The following ZSWIM4 variants were observed in gnomAD, a reference collection of about 807,000 sequenced individuals.
ZSWIM4 encodes zinc finger SWIM-type containing 4.
ZSWIM4 carries 62 observed loss-of-function variants against 102.5 expected under a neutral mutation model. That is an observed-to-expected ratio of 0.60 (90% CI 0.49 to 0.75). The LOEUF (loss-of-function observed/expected upper bound fraction) is 0.75, where lower values mean the gene tolerates loss of function less well. Ranked by LOEUF, ZSWIM4 falls within the 30% of genes least tolerant of loss-of-function variation. The pLI, the probability that ZSWIM4 is intolerant of heterozygous loss-of-function variation, is 0.00. For missense variants in ZSWIM4, 1,280 were observed against 1,529.6 expected, an observed-to-expected ratio of 0.84 and a Z score of 2.72; for synonymous variants, 652 against 674.5, an observed-to-expected ratio of 0.97 and a Z score of 0.52.
chr19:13,798,103 CAT>C (rs1433100892), intron 1 of ZSWIM4, among the ~76,000 whole-genome samples: 2 of 152,350 alleles, frequency 1.3e-5, no homozygotes, highest in East Asian at 3.9e-4. Flanking sequence ...AAGTGTTCAG[CAT>C]AGTGTGTGCA....
Position 13,830,512 on chromosome 19 carries a change from A to T in ZSWIM4, c.2783A>T (p.Tyr928Phe). The change falls in exon 14 of 14, where the codon TAT becomes TTT. Residue 928 changes from tyrosine (Y) to phenylalanine (F), a missense_variant. By Grantham distance (22) the Tyr-to-Phe change is conservative (BLOSUM62 3). Coordinates refer to ENST00000590508, the MANE Select transcript of ZSWIM4 (RefSeq NM_001367834.3). ...GHAHLFTVARYMEHRGLPLRA... is the reference protein window; with the variant it reads ...GHAHLFTVARFMEHRGLPLRA... ...GCCCACCTCTTCACTGTGGCCCGCTATATGGAGCACCGCGGGCTGCCGCTC... is the reference window on the plus strand; with the variant it reads ...GCCCACCTCTTCACTGTGGCCCGCTTTATGGAGCACCGCGGGCTGCCGCTC... 6.3e-7 allele frequency: 1 copy of T among 1,599,894 alleles called. No homozygotes were observed. The highest frequency in any genetic ancestry group is 8.5e-7 in the Non-Finnish European group (1 of 1,179,422).
At position 13,810,909 on chromosome 19, in the gene ZSWIM4, CTT is replaced by C. The variant is rs58776366; in HGVS notation, c.1012+1710_1012+1711del. 2.2e-4 allele frequency among the ~76,000 whole-genome samples: 21 copies of C among 94,124 alleles called. No homozygotes were observed. In the East Asian group the frequency reaches 2.8e-3, roughly 12 times the overall value. 61.7% of individuals were successfully genotyped at this position (94,124 alleles called of 152,430 possible). A position where few individuals can be genotyped will look rare whatever the true frequency, so the allele number is the denominator to read the frequency against. On this transcript the variant is annotated intron_variant, in intron 5 of 13. Transcript: ENST00000590508. ...ACAGGCGTGAGCCACCACGCCCAGC[CTT>C]TTTTTTTTTTTTTTTTTTTTGAGAT...
intron 2 of ZSWIM4, among the ~76,000 whole-genome samples, chr19:13,802,040 A>G (rs548371967): frequency 1.4e-5 from 2 of 146,760 alleles, no homozygotes; most frequent in East Asian, 2.0e-4. Flanking sequence ...CAGTGGCACA[A>G]TCTCGGCTTA....
chr19:13,819,654 ATTATTTAT>A lies in ZSWIM4; in HGVS notation c.2060+189_2060+196del, dbSNP rs539022265. On this transcript the variant is annotated intron_variant, in intron 10 of 13. Coordinates refer to ENST00000590508, the MANE Select transcript of ZSWIM4 (RefSeq NM_001367834.3). The stretch of plus-strand genomic sequence containing the variant: ...ATGATGCCATGTGCTTTTCATTATT[ATTATTTAT>A]TTATTTATTTATTTATTTATTTATT... Among the ~76,000 whole-genome samples, 1,419 of 150,332 alleles carry A rather than the reference ATTATTTAT, an allele frequency of 9.4e-3. 19 individuals are homozygous for A. The highest frequency in any genetic ancestry group is 0.032 in the African/African-American group (1,295 of 40,628).
intron 10 of ZSWIM4, among the ~76,000 whole-genome samples, 162 bp downstream of exon 10, chr19:13,819,654 A>T (rs924705057): frequency 6.7e-6 from 1 of 150,250 alleles, no homozygotes; most frequent in African/African-American, 2.5e-5. Flanking sequence ...TTTCATTATT[A>T]TTATTTATTT....
chr19:13,816,101 C>T (rs896388451), intron 7 of ZSWIM4, among the ~76,000 whole-genome samples: 3 of 151,354 alleles, frequency 2.0e-5, no homozygotes, highest in Admixed American at 6.6e-5. Context: ...CCAAAAACCA[C>T]ATTGTGTACT....
intron 9 of ZSWIM4, among the ~76,000 whole-genome samples, chr19:13,819,112 C>G (rs903358159): frequency 3.9e-5 from 6 of 152,150 alleles, no homozygotes; most frequent in African/African-American, 1.4e-4. Context: ...GATCCGCCAG[C>G]CTCGGCCTCC....
intron 10 of ZSWIM4, among the ~76,000 whole-genome samples, chr19:13,821,903 A>G (rs1048522451): frequency 2.4e-4 from 37 of 151,880 alleles, no homozygotes; most frequent in African/African-American, 8.5e-4. Flanking sequence ...CGCCTGGTTA[A>G]TTTTTTGTAT....
At chr19:13,805,458 T>C (rs1372999193) in intron 3 of ZSWIM4, among the ~76,000 whole-genome samples, 1 of 151,720 alleles carries the variant, frequency 6.6e-6, no homozygotes, top group Non-Finnish European at 1.5e-5. Context: ...AGATGGAGCA[T>C]CCTGGGTATG....
rs1287227100 is a variant in ZSWIM4 at position 13,830,712 on chromosome 19, A to G, written c.2983A>G (p.Met995Val). ...LIIRSIHCAP[M>V]LSDILRRWTL... The stretch of plus-strand genomic sequence containing the variant: ...CATTCGCAGCATCCACTGTGCCCCA[A>G]TGCTGTCCGATATTCTGCGCCGCTG... The change falls in exon 14 of 14, where the codon ATG (methionine) becomes GTG (valine). Residue 995 changes from methionine to valine, a missense_variant. By Grantham distance (21) the Met-to-Val change is conservative (BLOSUM62 1). Transcript: ENST00000590508. 1.9e-6 allele frequency: 3 copies of G among 1,608,040 alleles called. No homozygotes were observed. The highest frequency in any genetic ancestry group is 2.2e-5 in the East Asian group (1 of 44,796).
At chr19:13,828,480 C>A (rs1975670918) in intron 12 of ZSWIM4, among the ~76,000 whole-genome samples, 165 bp from the exon 13 acceptor site, 1 of 152,122 alleles carries the variant, frequency 6.6e-6, no homozygotes, top group Non-Finnish European at 1.5e-5. Context: ...TATTTTATCT[C>A]CATTTTCTAG....
chr19:13,812,924 CA>C, intron 5 of ZSWIM4, 72 bp from the exon 6 acceptor site: 1 of 1,485,826 alleles, frequency 6.7e-7, no homozygotes, highest in Non-Finnish European at 9.1e-7. Flanking sequence ...AGGTGGCACA[CA>C]GTGGGCACTG....
rs1975017952 is a variant in ZSWIM4, at chr19:13,809,555, T to C, written c.1012+335T>C. Among the ~76,000 whole-genome samples the C allele has an allele frequency of 6.6e-6, 1 of 152,220 alleles. No homozygotes were observed. Among genetic ancestry groups the C allele is most frequent in the African/African-American group, 2.4e-5 (1 of 41,474 alleles). On this transcript the variant is annotated intron_variant, in intron 5 of 13. Coordinates refer to ENST00000590508, the MANE Select transcript of ZSWIM4 (RefSeq NM_001367834.3). The surrounding 1 kb of genome is among the most constrained non-coding windows in gnomAD (Gnocchi z 4.2). The stretch of plus-strand genomic sequence containing the variant: ...TGGCGTGCAGTGGCACAATCTCGGC[T>C]GACTGCAACCTCTGCCTCCCGGACT...
chr19:13,822,029 C>T (rs145619222), intron 10 of ZSWIM4, among the ~76,000 whole-genome samples: 1 of 152,136 alleles, frequency 6.6e-6, no homozygotes, highest in Non-Finnish European at 1.5e-5. Context: ...AGCCACCACA[C>T]CCGGCCTAGT....
In ZSWIM4 at chr19:13,817,809, AGGTGGCACTGCTGGGGCTGGG is replaced by A. The variant is rs768548393; in HGVS notation, c.1759_1779del (p.Val587_Gly593del). 1 of 1,585,404 alleles carries A rather than the reference AGGTGGCACTGCTGGGGCTGGG, an allele frequency of 6.3e-7. No individual in the cohort carries two copies. The highest frequency in any genetic ancestry group is 8.6e-7 in the Non-Finnish European group (1 of 1,167,096). The stretch of plus-strand genomic sequence containing the variant: ...GAGTCCTACTTGGTGCTGGCGCTGG[AGGTGGCACTGCTGGGGCTGGG>A]GCAGCAGCGGGCCCTGCCGGAGGGG... On this transcript the variant is annotated inframe_deletion, in exon 9 of 14. Coordinates refer to ENST00000590508, the MANE Select transcript of ZSWIM4 (RefSeq NM_001367834.3).
chr19:13,807,266 C>T (rs1273253716), intron 3 of ZSWIM4, among the ~76,000 whole-genome samples: 3 of 150,718 alleles, frequency 2.0e-5, no homozygotes, highest in Non-Finnish European at 4.4e-5. Flanking sequence ...GATGATGGAC[C>T]CATGATGGGG....
Position 13,809,512 on chromosome 19 carries a change from TCA to T in ZSWIM4, c.1012+294_1012+295del, listed in dbSNP as rs1478616685. On this transcript the variant is annotated intron_variant, in intron 5 of 13. Transcript: ENST00000590508. This position sits in a 1 kb window ranked among gnomAD's most constrained non-coding sequence, Gnocchi z 4.2. Reference sequence around the variant, plus strand: ...GTTTTCTTTGTTTTGAGACAGGGTATCACTCTGTTGCCCAGGCTGGCGTGCAG... The same window carrying T: ...GTTTTCTTTGTTTTGAGACAGGGTATCTCTGTTGCCCAGGCTGGCGTGCAG... Among the ~76,000 whole-genome samples, 4 of 152,214 alleles carry T rather than the reference TCA, an allele frequency of 2.6e-5. No individual in the cohort carries two copies. The highest frequency in any genetic ancestry group is 1.3e-4 in the Admixed American group (2 of 15,270).
rs760797707 is a variant in ZSWIM4 at position 13,828,679 on chromosome 19, G to A, written c.2414G>A (p.Arg805Gln). ...ATGACTCTGAACGTAATGACCTGGC[G>A]GCGGAGGGAGATGGTGCGCTGGCTG... is the stretch of plus-strand genomic sequence containing the variant. ...MRMTLNVMTWRRREMVRWLVS... is the reference protein window; with the variant it reads ...MRMTLNVMTWQRREMVRWLVS... The change falls in exon 13 of 14, where the codon CGG (arginine) becomes CAG (glutamine). Residue 805 changes from arginine to glutamine, a missense_variant. Arg to Gln is a conservative substitution (Grantham distance 43). Coordinates refer to ENST00000590508, the MANE Select transcript of ZSWIM4 (RefSeq NM_001367834.3). 6.2e-6 allele frequency: 10 copies of A among 1,613,988 alleles called. No homozygotes were observed. The East Asian group carries it at 6.7e-5, about 11-fold the overall frequency.
chr19:13,812,031 C>T (rs994426487), intron 5 of ZSWIM4, among the ~76,000 whole-genome samples: 2 of 151,850 alleles, frequency 1.3e-5, no homozygotes, highest in Non-Finnish European at 2.9e-5. Context: ...GCTGAGATTG[C>T]GCCACTGCAC....
Sources: gnomAD v4.1 joint callset for allele counts (sites outside exome capture counted in the v4.1 genomes callset) on GRCh38, gnomAD v4.1.1 for gene constraint, Gnocchi (gnomAD v3.1) non-coding constraint, MANE v1.5 for transcripts, NCBI Gene and HGNC (gene_info 2026-07-23, HGNC 2026-07-21) for gene names.